The following KCNMA1 variants were observed in gnomAD, a reference collection of about 807,000 sequenced individuals.
KCNMA1 encodes potassium calcium-activated channel subfamily M alpha 1, also known as Calcium-activated potassium channel subunit alpha-1.
Under a neutral mutation model 140.0 loss-of-function variants are expected in KCNMA1, and 29 were observed. That is an observed-to-expected ratio of 0.21 (90% CI 0.15 to 0.28). The LOEUF is 0.28. Ranked by LOEUF, KCNMA1 falls within the 10% of genes least tolerant of loss-of-function variation. KCNMA1 has a pLI of 1.00. For synonymous variants in KCNMA1, 612 were observed against 611.9 expected (o/e 1.00, Z 0.00); for missense variants, 880 against 1,602.2 (o/e 0.55, Z 7.70).
chr10:77,634,632 C>T (rs1359306187), intron 1 of KCNMA1: 1 of 985,198 alleles, frequency 1.0e-6, no homozygotes, highest in African/African-American at 1.7e-5. Context: ...CATCTGAGGG[C>T]TGGTAGAATT....
chr10:77,172,909 T>C (rs926455204), intron 5 of KCNMA1, among the ~76,000 whole-genome samples: 4 of 152,114 alleles, frequency 2.6e-5, no homozygotes, highest in Non-Finnish European at 5.9e-5. Context: ...CTTGTTTCCC[T>C]GCATGGTGGG....
At chr10:77,100,892 C>A (rs770133498) in intron 9 of KCNMA1, among the ~76,000 whole-genome samples, 2 of 151,946 alleles carry the variant, frequency 1.3e-5, no homozygotes, top group South Asian at 2.1e-4. Context: ...GAGTGAAAAT[C>A]TAGGCTTGAA....
At chr10:77,075,607 T>C (rs891708408) in intron 13 of KCNMA1, among the ~76,000 whole-genome samples, 1 of 152,224 alleles carries the variant, frequency 6.6e-6, no homozygotes, top group African/African-American at 2.4e-5. Flanking sequence ...GTAGGCATAT[T>C]TTGAGCTTTC....
intron 1 of KCNMA1, among the ~76,000 whole-genome samples, chr10:77,485,165 C>T (rs1484361468): frequency 6.6e-6 from 1 of 152,214 alleles, no homozygotes; most frequent in African/African-American, 2.4e-5. Flanking sequence ...GAATGAGCAA[C>T]CCCCATCAGT....
intron 3 of KCNMA1, among the ~76,000 whole-genome samples, chr10:77,215,635 G>T (rs1383360655): frequency 6.6e-6 from 1 of 152,104 alleles, no homozygotes; most frequent in Non-Finnish European, 1.5e-5. Flanking sequence ...AAACTTAGCT[G>T]AAAGCTACTC....
rs765770517 is a variant in KCNMA1, at chr10:77,507,521, C to T, written c.379-103498G>A. 3.4e-4 allele frequency among the ~76,000 whole-genome samples: 52 copies of T among 152,234 alleles called. 1 individual carries two copies. The highest frequency in any genetic ancestry group is 6.2e-4 in the South Asian group (3 of 4,832). ...TATCAAGGGATTATCCATGAACTGA[C>T]TGTTCTTTCCTGCAGGCAGGCTCCA... On this transcript the variant is annotated intron_variant, in intron 1 of 27. Transcript: ENST00000286628.
At chr10:77,464,268 T>A (rs1203130706) in intron 1 of KCNMA1, among the ~76,000 whole-genome samples, 1 of 152,140 alleles carries the variant, frequency 6.6e-6, no homozygotes, top group Non-Finnish European at 1.5e-5. Flanking sequence ...AGACCCTTCA[T>A]CTGCAGGCCT....
At chr10:77,428,297 C>T (rs2154492720) in intron 1 of KCNMA1, among the ~76,000 whole-genome samples, 1 of 152,238 alleles carries the variant, frequency 6.6e-6, no homozygotes, top group Non-Finnish European at 1.5e-5. Context: ...GCCTATGTTG[C>T]CTTCCAAGAG....
chr10:76,990,711 C>T (rs528737292), intron 19 of KCNMA1, among the ~76,000 whole-genome samples: 1 of 152,324 alleles, frequency 6.6e-6, no homozygotes, highest in East Asian at 1.9e-4. Flanking sequence ...GGTTTTGAAG[C>T]ATCCCTGCTG....
intron 19 of KCNMA1, among the ~76,000 whole-genome samples, chr10:76,985,582 G>T (rs2081039635): frequency 6.6e-6 from 1 of 152,164 alleles, no homozygotes; most frequent in Non-Finnish European, 1.5e-5. Context: ...TAGCAATAGA[G>T]AAGTTGTGGA....
intron 2 of KCNMA1, among the ~76,000 whole-genome samples, chr10:77,290,101 T>C (rs1005618829): frequency 3.9e-5 from 6 of 152,120 alleles, no homozygotes; most frequent in African/African-American, 1.4e-4. Context: ...CACGCCTCCA[T>C]ACATTTGTGA....
At chr10:77,307,800 C>T (rs551933253) in intron 2 of KCNMA1, among the ~76,000 whole-genome samples, 21 of 152,162 alleles carry the variant, frequency 1.4e-4, no homozygotes, top group Non-Finnish European at 2.9e-4. Flanking sequence ...CCACCCTCCT[C>T]GGCCTCCCAA....
chr10:77,621,185 T>G (rs2091258665), intron 1 of KCNMA1, among the ~76,000 whole-genome samples: 1 of 152,232 alleles, frequency 6.6e-6, no homozygotes, highest in Admixed American at 6.5e-5. Flanking sequence ...TTGATCTTTC[T>G]AAGGCAAGGA....
chr10:76,910,128 G>A (rs766726487), intron 24 of KCNMA1, 32 bp from the exon 25 acceptor site: 2 of 1,612,328 alleles, frequency 1.2e-6, no homozygotes, highest in Non-Finnish European at 1.7e-6. Flanking sequence ...AATTAGCTCT[G>A]AAGACCACAC....
At chr10:76,923,667 A>G (rs2056750337) in intron 23 of KCNMA1, among the ~76,000 whole-genome samples, 1 of 152,142 alleles carries the variant, frequency 6.6e-6, no homozygotes, top group Admixed American at 6.6e-5. Flanking sequence ...TCTCAGTTTT[A>G]CCTTATCTTA....
At chr10:77,096,990 G>A (rs1403329089) in intron 9 of KCNMA1, among the ~76,000 whole-genome samples, 4 of 152,092 alleles carry the variant, frequency 2.6e-5, no homozygotes, top group Non-Finnish European at 5.9e-5. Context: ...AGGGCGTGGG[G>A]GGTTAGAGAC....
intron 19 of KCNMA1, among the ~76,000 whole-genome samples, chr10:76,988,991 T>C (rs929427532): frequency 2.3e-4 from 35 of 152,102 alleles, no homozygotes; most frequent in African/African-American, 7.5e-4. Flanking sequence ...ACAAATATGA[T>C]GAGGAGGCTC....
chr10:77,135,402 T>G (rs1269953770), intron 5 of KCNMA1, among the ~76,000 whole-genome samples: 1 of 152,148 alleles, frequency 6.6e-6, no homozygotes, highest in Non-Finnish European at 1.5e-5. Flanking sequence ...GGAAGGTAAA[T>G]TAGTACTATT....
intron 1 of KCNMA1, among the ~76,000 whole-genome samples, chr10:77,484,480 T>G (rs748882555): frequency 1.5e-4 from 23 of 152,258 alleles, no homozygotes; most frequent in Non-Finnish European, 2.9e-4. Flanking sequence ...GCACTTTACA[T>G]CAGTTGTCTC....
Sources: gnomAD v4.1 joint callset for allele counts (sites outside exome capture counted in the v4.1 genomes callset) on GRCh38, gnomAD v4.1.1 for gene constraint, MANE v1.5 for transcripts, NCBI Gene and HGNC (gene_info 2026-07-23, HGNC 2026-07-21) for gene names.